LMAN2L: variants seen among roughly 807,000 people sequenced by gnomAD.
The protein encoded by LMAN2L is VIP36-like protein.
LMAN2L carries 30 observed loss-of-function variants against 44.3 expected under a neutral mutation model. That is an observed-to-expected ratio of 0.68 (90% CI 0.51 to 0.92). LMAN2L has a LOEUF of 0.92. Ranked by LOEUF, LMAN2L falls within the 40% of genes least tolerant of loss-of-function variation. The probability of loss-of-function intolerance (pLI) is 0.00; values close to 1 mark genes in which losing one functional copy is unlikely to be tolerated. For missense variants in LMAN2L, 429 were observed against 446.1 expected (o/e 0.96, Z 0.35); for synonymous variants, 183 against 171.1 (o/e 1.07, Z -0.54).
intron 4 of LMAN2L, among the ~76,000 whole-genome samples, chr2:96,721,326 C>CTTTTTTTTT (rs56023035): frequency 1.2e-5 from 1 of 84,600 alleles, no homozygotes; most frequent in Non-Finnish European, 2.2e-5. Flanking sequence ...TTCTTTCAGT[C>CTTTTTTTTT]TTTTTTTTTT....
chr2:96,710,671 A>T (rs531340104), intron 6 of LMAN2L, among the ~76,000 whole-genome samples: 1,405 of 86,526 alleles, frequency 0.016, 13 homozygotes, highest in African/African-American at 0.039. Context: ...TATATATATA[A>T]AAAAAAATCC....
chr2:96,707,069 G>T lies in LMAN2L; in HGVS notation c.*187C>A. On this transcript the variant is annotated 3_prime_UTR_variant, in exon 8 of 8. Transcript: ENST00000264963. ...CTGGGGTGGGTGGCTTCCCAGACCA[G>T]AGTTAGATGTCCCCATGCACAACCA... 1 of 535,528 alleles carries T rather than the reference G, an allele frequency of 1.9e-6. No homozygotes were observed. Among genetic ancestry groups the T allele is most frequent in the Non-Finnish European group, 3.2e-6 (1 of 312,800 alleles). The allele number at this position is 535,528 out of a possible 1,614,324, so 33.2% of individuals were successfully genotyped here.
At chr2:96,721,206 T>C (rs1404237174) in intron 4 of LMAN2L, among the ~76,000 whole-genome samples, 4 of 152,192 alleles carry the variant, frequency 2.6e-5, no homozygotes, top group African/African-American at 7.2e-5. Flanking sequence ...ATTCTGGACA[T>C]TTCATATGCA....
Position 96,739,996 on chromosome 2 carries a change from C to A in LMAN2L, c.45G>T (p.Arg15=). 1 of 1,613,646 alleles carries A rather than the reference C, an allele frequency of 6.2e-7. No individual in the cohort carries two copies. The highest frequency in any genetic ancestry group is 8.5e-7 in the Non-Finnish European group (1 of 1,179,994). Residue 15 remains arginine (R), a synonymous_variant, in exon 1 of 8, where the codon CGG becomes CGT. Transcript: ENST00000264963. ...LGPLGSWQQW[R]RCLSARDGSR... ...ACCCATCCCGAGCCGACAAACATCG[C>A]CGCCACTGCTGCCACGACCCAAGGG...
In LMAN2L at chr2:96,727,245, T is replaced by C. The variant is rs1574019314; in HGVS notation, c.507+6274A>G. 2.6e-5 allele frequency among the ~76,000 whole-genome samples: 4 copies of C among 152,176 alleles called. No homozygotes were observed. The South Asian group carries it at 6.2e-4, about 24-fold the overall frequency. ...TTTTATTATCAAGAGGTATGAAATT[T>C]TGTCACTTTTTCTCTATCTATTGAG... On this transcript the variant is annotated intron_variant, in intron 4 of 7. Transcript: ENST00000264963.
At chr2:96,730,657 C>T (rs1257730790) in intron 4 of LMAN2L, among the ~76,000 whole-genome samples, 3 of 150,964 alleles carry the variant, frequency 2.0e-5, no homozygotes, top group African/African-American at 7.4e-5. Context: ...TTTATTTCCA[C>T]ACACTCATTA....
At chr2:96,728,517 A>AG (rs1036152331) in intron 4 of LMAN2L, among the ~76,000 whole-genome samples, 9 of 143,216 alleles carry the variant, frequency 6.3e-5, no homozygotes, top group Non-Finnish European at 1.4e-4. Flanking sequence ...AAAAAAAAAA[A>AG]AAAAAGAAAT....
chr2:96,732,641 C>T (rs1441083106), intron 4 of LMAN2L, among the ~76,000 whole-genome samples: 1 of 141,344 alleles, frequency 7.1e-6, no homozygotes, highest in Admixed American at 7.3e-5. Context: ...GAGACTCTGT[C>T]TCAAAAAAAA....
intron 4 of LMAN2L, among the ~76,000 whole-genome samples, chr2:96,721,000 C>A (rs1395758293): frequency 2.0e-5 from 3 of 152,078 alleles, no homozygotes; most frequent in Non-Finnish European, 4.4e-5. Flanking sequence ...CCACACAATT[C>A]ACTTAAAGTA....
chr2:96,734,439 T>A lies in LMAN2L; in HGVS notation c.394A>T (p.Ile132Phe). The A allele has an allele frequency of 6.2e-7, 1 of 1,612,826 alleles. No individual in the cohort carries two copies. Among genetic ancestry groups the A allele is most frequent in the Non-Finnish European group, 8.5e-7 (1 of 1,178,794 alleles). The change falls in exon 3 of 8, where the codon ATC becomes TTC. Residue 132 changes from isoleucine to phenylalanine, a missense_variant. By Grantham distance (21) the Ile-to-Phe change is conservative. Coordinates refer to ENST00000264963, the MANE Select transcript of LMAN2L (RefSeq NM_030805.4). ...KKNLHGDGLA[I>F]WYTKDRMQPG... ...TGCATCCGATCCTTTGTGTACCAGA[T>A]TGCCAAGCCATCCCCATGCAGATTC...
chr2:96,734,706 C>A (rs761614597), intron 2 of LMAN2L, 180 bp from the exon 3 acceptor site: 60 of 587,876 alleles, frequency 1.0e-4, no homozygotes, highest in Admixed American at 2.7e-4. Flanking sequence ...TTGAACCATT[C>A]AACTGTTTAG....
At chr2:96,738,691 T>C (rs2078568567) in intron 1 of LMAN2L, among the ~76,000 whole-genome samples, 1 of 151,490 alleles carries the variant, frequency 6.6e-6, no homozygotes, top group East Asian at 1.9e-4. Flanking sequence ...TATATAAATA[T>C]AAATAAAAAG....
At chr2:96,734,587 A>G (rs6727384) in intron 2 of LMAN2L, 61 bp from the exon 3 acceptor site, 403,026 of 1,034,104 alleles carry the variant, frequency 0.39, 83,254 homozygotes, top group African/African-American at 0.64. Context: ...CCTCAAGCCC[A>G]CATCAGCAAT....
rs142281127 is a variant in LMAN2L at position 96,709,697 on chromosome 2, G to A, written c.785-1864C>T. Among the ~76,000 whole-genome samples the A allele has an allele frequency of 1.1e-3, 163 of 152,318 alleles. 2 individuals carry two copies. In the East Asian group the frequency reaches 0.028, roughly 26 times the overall value. ...AATGCAGGGCATTAAAGCCTGGAAC[G>A]GCTGGGAAACATCCTAACTTTCTCA... On this transcript the variant is annotated intron_variant, in intron 6 of 7. Coordinates refer to ENST00000264963, the MANE Select transcript of LMAN2L (RefSeq NM_030805.4).
chr2:96,722,117 G>A (rs905158913), intron 4 of LMAN2L, among the ~76,000 whole-genome samples: 4 of 152,106 alleles, frequency 2.6e-5, no homozygotes, highest in South Asian at 2.1e-4. Flanking sequence ...ATAGGTGGCC[G>A]CCACCACGCC....
At position 96,711,964 on chromosome 2, in the gene LMAN2L, C is replaced by T. The variant is rs150323580; in HGVS notation, c.569G>A (p.Arg190Gln). The T allele has an allele frequency of 1.7e-4, 282 of 1,614,052 alleles. No homozygotes were observed. The highest frequency in any genetic ancestry group is 2.3e-4 in the Non-Finnish European group (276 of 1,180,032). Residue 190 changes from arginine to glutamine, a missense_variant, in exon 5 of 8, where the codon CGG becomes CAG. Physicochemically the swap from Arg to Gln is conservative, Grantham distance 43. Transcript: ENST00000264963. The part of the protein sequence containing the change: ...NNGSLSYDHE[R>Q]DGRPTELGGC... ...TCCCAGCTCTGTAGGCCGCCCATCC[C>T]GCTCATGATCATAGCTGAGGGAGCC... is the stretch of plus-strand genomic sequence containing the variant.
At chr2:96,716,694 C>T (rs2078046738) in intron 4 of LMAN2L, among the ~76,000 whole-genome samples, 2 of 152,206 alleles carry the variant, frequency 1.3e-5, no homozygotes, top group Admixed American at 6.5e-5. Flanking sequence ...CAGTACTCCT[C>T]ATTTCACAGG....
At chr2:96,730,908 C>T (rs531438524) in intron 4 of LMAN2L, among the ~76,000 whole-genome samples, 14 of 152,234 alleles carry the variant, frequency 9.2e-5, no homozygotes, top group Admixed American at 2.6e-4. Context: ...CTCCTGACCT[C>T]GTGATCCACC....
rs190601435 is a variant in LMAN2L, at chr2:96,722,170, G to A, written c.508-10145C>T. Among the ~76,000 whole-genome samples the A allele has an allele frequency of 3.6e-4, 55 of 151,912 alleles. No homozygotes were observed. The East Asian group carries it at 9.5e-3, about 26-fold the overall frequency. ...TTTTTAGTAGAGACGGGGTTTCATC[G>A]TGTTAGCCAGAATGGCCTCAATCTC... is the stretch of plus-strand genomic sequence containing the variant. On this transcript the variant is annotated intron_variant, in intron 4 of 7. Coordinates refer to ENST00000264963, the MANE Select transcript of LMAN2L (RefSeq NM_030805.4).
Sources: gnomAD v4.1 joint callset for allele counts (sites outside exome capture counted in the v4.1 genomes callset) on GRCh38, gnomAD v4.1.1 for gene constraint, MANE v1.5 for transcripts, NCBI Gene and HGNC (gene_info 2026-07-23, HGNC 2026-07-21) for gene names.